The following MDGA2 variants were observed in gnomAD, a reference collection of about 807,000 sequenced individuals.
MDGA2 encodes MAM domain containing glycosylphosphatidylinositol anchor 2.
MDGA2 carries 40 observed loss-of-function variants against 117.8 expected under a neutral mutation model. The observed-to-expected ratio is 0.34, with a 90% CI of 0.26 to 0.44. The LOEUF (loss-of-function observed/expected upper bound fraction) is 0.44. MDGA2 is among the 20% of genes least tolerant of loss of function. MDGA2 has a pLI of 1.00. For missense variants in MDGA2, 1,123 were observed against 1,250.6 expected (o/e 0.90, Z 1.54); for synonymous variants, 452 against 439.0 (o/e 1.03, Z -0.37).
At chr14:47,584,568 C>T (rs1375258723) in intron 1 of MDGA2, among the ~76,000 whole-genome samples, 1 of 151,766 alleles carries the variant, frequency 6.6e-6, no homozygotes, top group Admixed American at 6.6e-5. Flanking sequence ...TCCATTCCTT[C>T]TGCTATGGCA....
chr14:46,855,243 C>A lies in MDGA2; in HGVS notation c.2753-89G>T. ...ACCAAACACTTGTAAACTTTTTAAA[C>A]TGAAATTTTACAGAACACTCTAGTG... On this transcript the variant is annotated intron_variant, in intron 14 of 16. Transcript: ENST00000399232. This position sits in a 1 kb window ranked among gnomAD's most constrained non-coding sequence, Gnocchi z 4.1. 8.8e-7 allele frequency: 1 copy of A among 1,139,408 alleles called. No homozygotes were observed. The highest frequency in any genetic ancestry group is 1.2e-6 in the Non-Finnish European group (1 of 804,184). The allele number at this position is 1,139,408 out of a possible 1,614,324, so 70.6% of individuals were successfully genotyped here. A position where few individuals can be genotyped will look rare whatever the true frequency, so the allele number is the denominator to read the frequency against.
chr14:47,116,625 G>A (rs1290318130), intron 5 of MDGA2, among the ~76,000 whole-genome samples: 1 of 151,874 alleles, frequency 6.6e-6, no homozygotes, highest in East Asian at 1.9e-4. Flanking sequence ...TGTTTGACAA[G>A]TGGGTCAAGA....
rs190286525 is a variant in MDGA2, at chr14:47,666,330, G to A, written c.280+8187C>T. Among the ~76,000 whole-genome samples, 458 of 146,472 alleles carry A rather than the reference G, an allele frequency of 3.1e-3. 3 individuals are homozygous for A. Among genetic ancestry groups the A allele is most frequent in the African/African-American group, 0.011 (444 of 39,296 alleles). ...AAGGTTTGTAAATGCACCAATCTGC[G>A]CTCTGTGTCTAGCTGATCTGCTGGG... On this transcript the variant is annotated intron_variant, in intron 1 of 16. Transcript: ENST00000399232.
chr14:47,402,332 C>CT (rs1555379802), intron 1 of MDGA2, among the ~76,000 whole-genome samples: 2 of 124,594 alleles, frequency 1.6e-5, no homozygotes, highest in East Asian at 2.5e-4. Flanking sequence ...CCCCAGAAAC[C>CT]CCCGCCCCCC....
chr14:47,629,601 T>A (rs944212866), intron 1 of MDGA2, among the ~76,000 whole-genome samples: 7 of 152,244 alleles, frequency 4.6e-5, no homozygotes, highest in Non-Finnish European at 8.8e-5. Flanking sequence ...AGATGCCTTA[T>A]ACAAAAGGAG....
chr14:47,160,175 T>C (rs749022063), intron 3 of MDGA2, among the ~76,000 whole-genome samples: 1 of 152,194 alleles, frequency 6.6e-6, no homozygotes, highest in Admixed American at 6.5e-5. Flanking sequence ...CATGTTAGGA[T>C]CTACTTCTGG....
At chr14:46,868,038 A>G (rs1163203853) in intron 14 of MDGA2, among the ~76,000 whole-genome samples, 1 of 152,002 alleles carries the variant, frequency 6.6e-6, no homozygotes, top group Non-Finnish European at 1.5e-5. Flanking sequence ...TCCAGAAGCA[A>G]AAGAATCTAG....
intron 1 of MDGA2, among the ~76,000 whole-genome samples, chr14:47,503,798 T>G (rs1337677167): frequency 6.6e-6 from 1 of 152,218 alleles, no homozygotes; most frequent in East Asian, 1.9e-4. Context: ...CAATGCATAT[T>G]CTCTGGAATA....
intron 14 of MDGA2, among the ~76,000 whole-genome samples, chr14:46,866,414 C>G (rs555600217): frequency 2.6e-5 from 4 of 152,146 alleles, no homozygotes; most frequent in Admixed American, 6.5e-5. Flanking sequence ...AAGACTTAAA[C>G]GTTAGACCTA....
chr14:47,447,322 G>A (rs1322359818), intron 1 of MDGA2, among the ~76,000 whole-genome samples: 1 of 152,154 alleles, frequency 6.6e-6, no homozygotes, highest in Non-Finnish European at 1.5e-5. Context: ...GCCTCTCTCT[G>A]CTTCCTGGCC....
intron 1 of MDGA2, among the ~76,000 whole-genome samples, chr14:47,525,613 A>G (rs1229240050): frequency 6.6e-6 from 1 of 152,132 alleles, no homozygotes; most frequent in Non-Finnish European, 1.5e-5. Context: ...TGAACCCGGA[A>G]GGCAGAGGTT....
rs11454541 is a variant in MDGA2 at position 47,025,710 on chromosome 14, CA to C, written c.1819+9300del. 3.2e-3 allele frequency among the ~76,000 whole-genome samples: 453 copies of C among 141,812 alleles called. 1 individual carries two copies. The highest frequency in any genetic ancestry group is 8.6e-3 in the African/African-American group (329 of 38,064). 93.0% of individuals were successfully genotyped at this position (141,812 alleles called of 152,430 possible). A position where few individuals can be genotyped will look rare whatever the true frequency, so the allele number is the denominator to read the frequency against. ...CAAGCTAGAGCCTCCTTCTCCACCA[CA>C]AAAAAAAAAAAAATTATATTTTGGG... On this transcript the variant is annotated intron_variant, in intron 8 of 16. Coordinates refer to ENST00000399232, the MANE Select transcript of MDGA2 (RefSeq NM_001113498.3).
At chr14:47,048,963 T>C (rs940860461) in intron 7 of MDGA2, among the ~76,000 whole-genome samples, 1 of 152,096 alleles carries the variant, frequency 6.6e-6, no homozygotes, top group Non-Finnish European at 1.5e-5. Context: ...ATGTGATTGA[T>C]TGGAATGATA....
intron 5 of MDGA2, among the ~76,000 whole-genome samples, chr14:47,108,428 C>G (rs1880847376): frequency 6.6e-6 from 1 of 152,148 alleles, no homozygotes; most frequent in African/African-American, 2.4e-5. Context: ...TGCCTTGCCC[C>G]ACCTTAACTG....
intron 1 of MDGA2, among the ~76,000 whole-genome samples, chr14:47,582,089 T>G (rs1312284150): frequency 2.0e-5 from 3 of 151,928 alleles, no homozygotes; most frequent in Non-Finnish European, 4.4e-5. Context: ...AAATTCTTAG[T>G]ACAGTGTTTG....
intron 1 of MDGA2, among the ~76,000 whole-genome samples, chr14:47,503,180 T>C (rs909146107): frequency 2.6e-5 from 4 of 152,134 alleles, no homozygotes; most frequent in Admixed American, 6.5e-5. Flanking sequence ...TTAAAAAATA[T>C]GTACTTGAAA....
At chr14:46,996,840 T>G (rs1250876298) in intron 8 of MDGA2, 2 of 228,700 alleles carry the variant, frequency 8.7e-6, no homozygotes, top group Non-Finnish European at 1.7e-5. Context: ...CCCTCAAGGA[T>G]ATGAATGAGC....
chr14:47,266,968 T>G (rs1243423311), intron 2 of MDGA2, among the ~76,000 whole-genome samples: 1 of 152,180 alleles, frequency 6.6e-6, no homozygotes, highest in East Asian at 1.9e-4. Flanking sequence ...TCAGAAACTA[T>G]GTCTGTCTTA....
intron 16 of MDGA2, among the ~76,000 whole-genome samples, chr14:46,842,862 G>A (rs1400294138): frequency 6.6e-6 from 1 of 152,234 alleles, no homozygotes; most frequent in Non-Finnish European, 1.5e-5. Flanking sequence ...GAATCAGGAA[G>A]AGGCTTTCAG....
Sources: gnomAD v4.1 joint callset for allele counts (sites outside exome capture counted in the v4.1 genomes callset) on GRCh38, gnomAD v4.1.1 for gene constraint, Gnocchi (gnomAD v3.1) non-coding constraint, MANE v1.5 for transcripts, NCBI Gene and HGNC (gene_info 2026-07-23, HGNC 2026-07-21) for gene names.